The following KANSL1 variants were observed in gnomAD, a reference collection of about 807,000 sequenced individuals.
The protein encoded by KANSL1 is KAT8 regulatory NSL complex subunit 1.
Under a neutral mutation model 103.6 loss-of-function variants are expected in KANSL1, and 22 were observed. The observed-to-expected ratio is 0.21, with a 90% CI of 0.15 to 0.30. The LOEUF (loss-of-function observed/expected upper bound fraction) is 0.30. KANSL1 is among the 10% of genes least tolerant of loss of function. KANSL1 has a pLI of 1.00. For synonymous variants in KANSL1, 600 were observed against 527.6 expected (o/e 1.14, Z -1.88); for missense variants, 1,337 against 1,399.8 (o/e 0.96, Z 0.72).
At chr17:46,143,186 A>C (rs376634324) in intron 2 of KANSL1, among the ~76,000 whole-genome samples, 200 of 152,382 alleles carry the variant, frequency 1.3e-3, no homozygotes, top group African/African-American at 4.7e-3. Flanking sequence ...GAAAAGCAGA[A>C]GTCAGGTGAG....
chr17:46,042,647 T>G (rs1336293506), intron 7 of KANSL1: 1 of 152,158 alleles, frequency 6.6e-6, no homozygotes, highest in African/African-American at 2.4e-5. Flanking sequence ...CAAAATATTT[T>G]CCAAGCCAGT....
chr17:46,203,174 G>A (rs1317957013), intron 1 of KANSL1, among the ~76,000 whole-genome samples: 1 of 152,178 alleles, frequency 6.6e-6, no homozygotes, highest in Non-Finnish European at 1.5e-5. Context: ...GGTAGAGGTT[G>A]CAGTGTCAGT....
At chr17:46,096,301 GCTTTTTTTT>G (rs1199762058) in intron 2 of KANSL1, among the ~76,000 whole-genome samples, 158 of 91,892 alleles carry the variant, frequency 1.7e-3, no homozygotes, top group African/African-American at 6.5e-3. Flanking sequence ...TACATACCTG[GCTTTTTTTT>G]CTTTTTTTTT....
chr17:46,102,280 C>T (rs1237801930), intron 2 of KANSL1, among the ~76,000 whole-genome samples: 24 of 152,142 alleles, frequency 1.6e-4, no homozygotes, highest in Non-Finnish European at 1.6e-4. Context: ...GATGGAATCT[C>T]GCTCTGTCAC....
At chr17:46,188,962 G>A (rs1175409046) in intron 1 of KANSL1, among the ~76,000 whole-genome samples, 1 of 146,126 alleles carries the variant, frequency 6.8e-6, no homozygotes, top group Non-Finnish European at 1.5e-5. Context: ...GAACCCTAGG[G>A]GTGGAGGTTG....
Position 46,171,928 on chromosome 17 carries a change from C to T in KANSL1, c.216G>A (p.Leu72=). 6.2e-7 allele frequency: 1 copy of T among 1,614,260 alleles called. No homozygotes were observed. Among genetic ancestry groups the T allele is most frequent in the Non-Finnish European group, 8.5e-7 (1 of 1,180,054 alleles). Residue 72 remains leucine, a synonymous_variant, in exon 2 of 15, where the codon TTG becomes TTA. Transcript: ENST00000432791. ...DFRNNPTKED[L]GKLQPLVASY... ...ATGCCACCAGTGGTTGCAGCTTTCC[C>T]AAGTCTTCCTTGGTAGGATTATTTC...
At chr17:46,127,719 A>C (rs2043642089) in intron 2 of KANSL1, among the ~76,000 whole-genome samples, 1 of 152,112 alleles carries the variant, frequency 6.6e-6, no homozygotes, top group Non-Finnish European at 1.5e-5. Context: ...GCAAGGGTGC[A>C]GTGAGCCGAG....
chr17:46,048,548 C>G (rs531504262), intron 7 of KANSL1, among the ~76,000 whole-genome samples: 1 of 152,216 alleles, frequency 6.6e-6, no homozygotes, highest in Non-Finnish European at 1.5e-5. Context: ...GCCTGGGCAA[C>G]AAAAGCGAGA....
At chr17:46,050,879 T>C (rs1893609752) in intron 6 of KANSL1, among the ~76,000 whole-genome samples, 175 bp from the exon 7 acceptor site, 2 of 152,236 alleles carry the variant, frequency 1.3e-5, no homozygotes, top group Non-Finnish European at 2.9e-5. Flanking sequence ...TTAAAAGATT[T>C]CCATTTGTCT....
At chr17:46,076,160 A>G (rs1424205357) in intron 4 of KANSL1, among the ~76,000 whole-genome samples, 1 of 152,232 alleles carries the variant, frequency 6.6e-6, no homozygotes, top group African/African-American at 2.4e-5. Flanking sequence ...TAGTAGGAGG[A>G]GAGTGTGACT....
intron 1 of KANSL1, among the ~76,000 whole-genome samples, chr17:46,181,567 T>C (rs972019948): frequency 2.4e-4 from 37 of 152,152 alleles, no homozygotes; most frequent in Non-Finnish European, 5.9e-5. Context: ...GCAGCTGGGA[T>C]TACCGGTGCC....
At chr17:46,069,205 C>T (rs1026309330) in intron 4 of KANSL1, among the ~76,000 whole-genome samples, 1 of 152,054 alleles carries the variant, frequency 6.6e-6, no homozygotes, top group African/African-American at 2.4e-5. Context: ...GGATTATAGG[C>T]GTGTGAGCCA....
chr17:46,033,852 G>GGCAAC (rs2077077334), intron 11 of KANSL1, among the ~76,000 whole-genome samples: 2 of 152,208 alleles, frequency 1.3e-5, no homozygotes, highest in Non-Finnish European at 2.9e-5. Flanking sequence ...ATTTTTATGT[G>GGCAAC]AAATCCTGCT....
chr17:46,143,478 G>C (rs1203650757), intron 2 of KANSL1, among the ~76,000 whole-genome samples: 3 of 148,364 alleles, frequency 2.0e-5, no homozygotes, highest in African/African-American at 5.0e-5. Context: ...TGGGCAACAA[G>C]AGCAAAACTT....
chr17:46,068,021 G>A (rs968424082), intron 4 of KANSL1, among the ~76,000 whole-genome samples: 1 of 152,134 alleles, frequency 6.6e-6, no homozygotes, highest in Non-Finnish European at 1.5e-5. Flanking sequence ...GGGGAAGAGG[G>A]ATGAGGAATC....
intron 13 of KANSL1, chr17:46,032,702 G>A (rs993115933): frequency 6.0e-6 from 2 of 334,414 alleles, no homozygotes; most frequent in Non-Finnish European, 1.1e-5. Flanking sequence ...ACGTTAAGGG[G>A]GGGCAGTTTC....
chr17:46,046,600 GGCCAAGACGGGTGGATCAC>G (rs1598473798), intron 7 of KANSL1, among the ~76,000 whole-genome samples: 1 of 148,870 alleles, frequency 6.7e-6, no homozygotes, highest in Admixed American at 6.7e-5. Context: ...CACTTTGGGA[GGCCAAGACGGGTGGATCAC>G]GAGGTCAGGA....
chr17:46,213,467 AT>A (rs748428844), intron 1 of KANSL1, among the ~76,000 whole-genome samples: 200 of 136,388 alleles, frequency 1.5e-3, no homozygotes, highest in South Asian at 2.1e-3. Flanking sequence ...CGCCCGGCTA[AT>A]TTTTTTTTTT....
chr17:46,224,384 T>A (rs2048620069), upstream of KANSL1, among the ~76,000 whole-genome samples: 1 of 151,448 alleles, frequency 6.6e-6, no homozygotes, highest in African/African-American at 2.4e-5. Context: ...ATGGACTAAA[T>A]GACCTCTGGT....
Sources: gnomAD v4.1 joint callset for allele counts (sites outside exome capture counted in the v4.1 genomes callset) on GRCh38, gnomAD v4.1.1 for gene constraint, MANE v1.5 for transcripts, NCBI Gene and HGNC (gene_info 2026-07-23, HGNC 2026-07-21) for gene names.